Variants in SPATA21 observed in about 807,000 individuals in gnomAD.
The protein encoded by SPATA21 is spermatogenesis associated 21.
In SPATA21, 47 loss-of-function variants were observed where a neutral mutation model predicts 54.8. The observed-to-expected ratio is 0.86, with a 90% CI of 0.68 to 1.09. SPATA21 has a LOEUF of 1.09. SPATA21 is among the 50% of genes least tolerant of loss of function. SPATA21 has a pLI of 0.00. For synonymous variants in SPATA21, 245 were observed against 235.3 expected, an observed-to-expected ratio of 1.04 and a Z score of -0.38; for missense variants, 599 against 596.4, an observed-to-expected ratio of 1.00 and a Z score of -0.05.
chr1:16,421,509 T>C lies in SPATA21; in HGVS notation c.144A>G (p.Pro48=). ...THPAPGPLPP[P]EVRDIGERRE... ...CCGTTCCCCCTATGGCCCTACTTAC[T>C]GGTGGAGGAAGAGGCCCCGGTGCTG... is the stretch of plus-strand genomic sequence containing the variant. The change falls in exon 5 of 13, where the codon CCA becomes CCG. Residue 48 remains proline (P), a splice_region_variant and synonymous_variant. Coordinates refer to ENST00000335496, the MANE Select transcript of SPATA21 (RefSeq NM_198546.1). The surrounding 1 kb of genome is among the most constrained non-coding windows in gnomAD (Gnocchi z 5.2). 1 of 1,613,310 alleles carries C rather than the reference T, an allele frequency of 6.2e-7. No individual in the cohort carries two copies. The highest frequency in any genetic ancestry group is 8.5e-7 in the Non-Finnish European group (1 of 1,179,712).
At chr1:16,408,064 G>A (rs2085704482) in intron 7 of SPATA21, among the ~76,000 whole-genome samples, 1 of 152,214 alleles carries the variant, frequency 6.6e-6, no homozygotes, top group Non-Finnish European at 1.5e-5. Context: ...ACTGTGCCCA[G>A]CCCTGGTAGA....
rs2086455527 is a variant in SPATA21 at position 16,431,433 on chromosome 1, A to G, written c.-51-11T>C. 1.2e-6 allele frequency: 2 copies of G among 1,604,598 alleles called. No individual in the cohort carries two copies. Among genetic ancestry groups the G allele is most frequent in the Non-Finnish European group, 1.7e-6 (2 of 1,174,722 alleles). On this transcript the variant is annotated splice_polypyrimidine_tract_variant and intron_variant, in intron 2 of 12. Transcript: ENST00000335496. Reference sequence around the variant, plus strand: ...TCACCTAGTGTGCTCCTACAGGAGAAATCCAATCAAGCGTCCCACCAAGCC... The same window carrying G: ...TCACCTAGTGTGCTCCTACAGGAGAGATCCAATCAAGCGTCCCACCAAGCC...
downstream of SPATA21, chr1:16,398,534 C>T: frequency 1.8e-6 from 1 of 551,246 alleles, no homozygotes; most frequent in East Asian, 3.2e-5. Flanking sequence ...GCACCTGTAG[C>T]AGAAATCCCA....
intron 12 of SPATA21, 37 bp from the exon 13 acceptor site, chr1:16,398,859 G>C (rs1464142339): frequency 6.3e-7 from 1 of 1,597,344 alleles, no homozygotes; most frequent in Admixed American, 1.7e-5. Flanking sequence ...TGGGAGACAT[G>C]TGGCCCTTTC....
At chr1:16,431,551 G>A in intron 2 of SPATA21, 129 bp from the exon 3 acceptor site, 1 of 799,546 alleles carries the variant, frequency 1.3e-6, no homozygotes. Flanking sequence ...CTTGCAAGGA[G>A]AGGCACGCAG....
chr1:16,429,152 T>TA (rs2086393777), intron 3 of SPATA21, among the ~76,000 whole-genome samples: 1 of 152,100 alleles, frequency 6.6e-6, no homozygotes, highest in African/African-American at 2.4e-5. Context: ...TTTTTATTTT[T>TA]TTTTTTGGCT....
rs770142458 is a variant in SPATA21, at chr1:16,409,668, G to C, written c.520C>G (p.Leu174Val). Residue 174 changes from leucine (L) to valine (V), a missense_variant, in exon 6 of 13, where the codon CTG becomes GTG. Transcript: ENST00000335496. The surrounding 1 kb of genome is among the most constrained non-coding windows in gnomAD (Gnocchi z 4.1). ...AAGAGTTCCATCCTTCTCCAGCCCA[G>C]GTCCAGGGCAGGGCCCAGCAGGACA... ...CPVLLGPALDLGWRRMELLHQ... is the reference protein window; with the variant it reads ...CPVLLGPALDVGWRRMELLHQ... 4.3e-6 allele frequency: 7 copies of C among 1,613,340 alleles called. No homozygotes were observed. The East Asian group carries it at 1.3e-4, about 31-fold the overall frequency.
chr1:16,425,619 G>A (rs1286978573), intron 3 of SPATA21: 2 of 1,550,182 alleles, frequency 1.3e-6, no homozygotes, highest in Non-Finnish European at 1.7e-6. Flanking sequence ...AGCTGCTGCA[G>A]CCCTTCAGGT....
chr1:16,403,665 A>G (rs926727395), intron 10 of SPATA21, 62 bp downstream of exon 10: 13 of 1,470,966 alleles, frequency 8.8e-6, no homozygotes, highest in South Asian at 3.4e-5. Flanking sequence ...TCTCAGTGCC[A>G]AAATGCTAGA....
At position 16,400,748 on chromosome 1, in the gene SPATA21, G is replaced by T; in HGVS notation, c.1146C>A (p.Ile382=). 1 of 1,614,172 alleles carries T rather than the reference G, an allele frequency of 6.2e-7. No individual in the cohort carries two copies. The highest frequency in any genetic ancestry group is 1.1e-5 in the South Asian group (1 of 91,086). The change falls in exon 11 of 13, where the codon ATC becomes ATA. Residue 382 remains isoleucine (I), a synonymous_variant. Coordinates refer to ENST00000335496, the MANE Select transcript of SPATA21 (RefSeq NM_198546.1). ...AGTTCTGCTGCTTCAGCCGGCTCAG[G>T]ATACTGAGGACCTTTCGTTCTGGAA... ...SEVPERKVLS[I]LSRLKQQNYA... is the part of the protein sequence containing the mutation.
chr1:16,402,494 C>A (rs576149085), intron 10 of SPATA21, among the ~76,000 whole-genome samples: 1 of 151,646 alleles, frequency 6.6e-6, no homozygotes, highest in Non-Finnish European at 1.5e-5. Flanking sequence ...ATCTCCTGAC[C>A]TTGTGATCCG....
At position 16,400,716 on chromosome 1, in the gene SPATA21, T is replaced by G. The variant is rs2100774220; in HGVS notation, c.1174+4A>C. On this transcript the variant is annotated splice_donor_region_variant and intron_variant, in intron 11 of 12. Transcript: ENST00000335496. ...GCCCATCCCACCCTGCCCAGGGCCC[T>G]CACCATAGTTCTGCTGCTTCAGCCG... The G allele has an allele frequency of 6.5e-7, 1 of 1,547,876 alleles. No individual in the cohort carries two copies. The highest frequency in any genetic ancestry group is 8.8e-7 in the Non-Finnish European group (1 of 1,136,536).
intron 3 of SPATA21, among the ~76,000 whole-genome samples, chr1:16,429,722 C>T (rs1388676548): frequency 1.3e-5 from 2 of 151,058 alleles, no homozygotes; most frequent in Non-Finnish European, 3.0e-5. Context: ...GATCCACCCG[C>T]CTCGGCCTCC....
chr1:16,425,187 C>T (rs1286012703), intron 3 of SPATA21: 1 of 486,666 alleles, frequency 2.1e-6, no homozygotes, highest in Non-Finnish European at 4.0e-6. Flanking sequence ...CTGGGATTAA[C>T]AGGCGTGAGC....
At chr1:16,434,114 C>T (rs575679273) in intron 1 of SPATA21, among the ~76,000 whole-genome samples, 13 of 152,168 alleles carry the variant, frequency 8.5e-5, no homozygotes, top group African/African-American at 2.4e-4. Context: ...ATATATGGTC[C>T]TTGGTGAGTA....
chr1:16,422,131 A>G (rs1343731537), intron 3 of SPATA21, 160 bp from the exon 4 acceptor site: 7 of 1,497,278 alleles, frequency 4.7e-6, no homozygotes, highest in Non-Finnish European at 6.2e-6. Context: ...GCCAAGCGGC[A>G]GCAAGGCTCT....
chr1:16,432,265 G>A (rs529162889), intron 2 of SPATA21, among the ~76,000 whole-genome samples: 82 of 151,964 alleles, frequency 5.4e-4, no homozygotes, highest in African/African-American at 1.9e-3. Flanking sequence ...GGGATTTTAG[G>A]CGGCCGCCAC....
At chr1:16,422,647 A>G (rs907509000) in intron 3 of SPATA21, among the ~76,000 whole-genome samples, 2 of 152,004 alleles carry the variant, frequency 1.3e-5, no homozygotes, top group African/African-American at 4.8e-5. Context: ...CTGGGACTAC[A>G]AATACCTGTC....
chr1:16,411,767 G>A (rs1232444795), intron 5 of SPATA21, among the ~76,000 whole-genome samples: 1 of 146,058 alleles, frequency 6.8e-6, no homozygotes, highest in Non-Finnish European at 1.5e-5. Context: ...TCCAGCCTGG[G>A]TGACAGAGCA....
Sources: gnomAD v4.1 joint callset for allele counts (sites outside exome capture counted in the v4.1 genomes callset) on GRCh38, gnomAD v4.1.1 for gene constraint, Gnocchi (gnomAD v3.1) non-coding constraint, MANE v1.5 for transcripts, NCBI Gene and HGNC (gene_info 2026-07-23, HGNC 2026-07-21) for gene names.